Variants in PAK4 observed in about 807,000 individuals in gnomAD.
PAK4 encodes p21 (RAC1) activated kinase 4.
Under a neutral mutation model 53.5 loss-of-function variants are expected in PAK4, and 49 were observed. The observed-to-expected ratio is 0.92, with a 90% CI of 0.73 to 1.16. The LOEUF (loss-of-function observed/expected upper bound fraction) is 1.16, where lower values mean the gene tolerates loss of function less well. PAK4 is among the 50% of genes most tolerant of loss of function. The pLI is 0.00. For synonymous variants in PAK4, 376 were observed against 375.6 expected (o/e 1.00, Z -0.01); for missense variants, 824 against 850.7 (o/e 0.97, Z 0.39).
At chr19:39,128,290 C>T (rs1287436752) in intron 1 of PAK4, among the ~76,000 whole-genome samples, 1 of 152,196 alleles carries the variant, frequency 6.6e-6, no homozygotes, top group Non-Finnish European at 1.5e-5. Context: ...TGCTGCCACC[C>T]CACCACTGCC....
chr19:39,173,185 A>T lies in PAK4; in HGVS notation c.472A>T (p.Lys158Ter), dbSNP rs757888972. The change falls in exon 3 of 9, where the codon AAG (lysine) becomes TAG (stop). Residue 158 changes from lysine (K) to a stop codon, truncating the protein, a stop_gained. Coordinates refer to ENST00000358301, the Ensembl canonical transcript of PAK4. LOFTEE classifies it high-confidence loss of function. This position sits in a 1 kb window ranked among gnomAD's most constrained non-coding sequence, Gnocchi z 6.9. ...TGACAGGCGACGGGCGGGGCCAGAG[A>T]AGAGGCCCAAGTCTTCCAGGGAGGG... 2 of 1,543,522 alleles carry T rather than the reference A, an allele frequency of 1.3e-6. No homozygotes were observed. The highest frequency in any genetic ancestry group is 2.7e-5 in the African/African-American group (2 of 73,042).
Position 39,178,412 on chromosome 19 carries a change from C to G in PAK4, c.1621-12C>G, listed in dbSNP as rs2074653465. 1.9e-6 allele frequency: 3 copies of G among 1,574,618 alleles called. No individual in the cohort carries two copies. Among genetic ancestry groups the G allele is most frequent in the Non-Finnish European group, 1.7e-6 (2 of 1,160,960 alleles). ...GAGCCTCGCCCCCTGACCCTCCCCTCCTTCTCGACAGGTGTCGCCATCCCT... is the reference window on the plus strand; with the variant it reads ...GAGCCTCGCCCCCTGACCCTCCCCTGCTTCTCGACAGGTGTCGCCATCCCT... On this transcript the variant is annotated splice_polypyrimidine_tract_variant and intron_variant, in intron 8 of 8. Transcript: ENST00000358301. This position sits in a 1 kb window ranked among gnomAD's most constrained non-coding sequence, Gnocchi z 4.4.
chr19:39,168,118 T>G (rs1476633578), intron 1 of PAK4, 112 bp from the exon 2 acceptor site: 1 of 152,136 alleles, frequency 6.6e-6, no homozygotes, highest in African/African-American at 2.4e-5. Context: ...TCCCATGAGG[T>G]CAAAGGCTGT....
chr19:39,155,491 C>T (rs979156214), intron 1 of PAK4, among the ~76,000 whole-genome samples: 9 of 151,932 alleles, frequency 5.9e-5, no homozygotes, highest in South Asian at 2.1e-4. Context: ...CAAGTGGGGC[C>T]GGAGGGTGAG....
chr19:39,174,967 G>A, exon 5 of PAK4: 1 of 1,613,914 alleles, frequency 6.2e-7, no homozygotes, highest in South Asian at 1.1e-5. Context: ...CGAGAATGTG[G>A]TGGAGATGTA....
rs535503075 is a variant in PAK4, at chr19:39,165,796, G to A, written c.-22-3736G>A. Among the ~76,000 whole-genome samples, 16 of 152,282 alleles carry A rather than the reference G, an allele frequency of 1.1e-4. No homozygotes were observed. In the East Asian group the frequency reaches 3.1e-3, roughly 29 times the overall value. Reference sequence around the variant, plus strand: ...ATGAGGATGCTTGTGAGGATGGAACGGGATTAGACGCACAGCAGGGCCGGA... The same window carrying A: ...ATGAGGATGCTTGTGAGGATGGAACAGGATTAGACGCACAGCAGGGCCGGA... On this transcript the variant is annotated intron_variant, in intron 1 of 8. Transcript: ENST00000358301.
chr19:39,154,367 CTT>C (rs1234283795), intron 1 of PAK4, among the ~76,000 whole-genome samples: 2 of 152,120 alleles, frequency 1.3e-5, no homozygotes, highest in African/African-American at 2.4e-5. Flanking sequence ...TGCCATTTCT[CTT>C]GTTTTTTTAA....
intron 1 of PAK4, among the ~76,000 whole-genome samples, chr19:39,152,705 G>T (rs372249237): frequency 2.0e-5 from 3 of 152,174 alleles, no homozygotes; most frequent in African/African-American, 4.8e-5. Context: ...TTACGTTTGG[G>T]GGGGTGGAAG....
chr19:39,181,619 AC>A (rs1347431902), downstream of PAK4: 2 of 152,120 alleles, frequency 1.3e-5, no homozygotes, highest in African/African-American at 4.8e-5. Context: ...CTCCTGGCAG[AC>A]CCTTCCTGAC....
intron 1 of PAK4, among the ~76,000 whole-genome samples, chr19:39,131,275 G>A (rs2073705072): frequency 6.6e-6 from 1 of 152,104 alleles, no homozygotes; most frequent in Non-Finnish European, 1.5e-5. Flanking sequence ...CTCCTTTGTT[G>A]ACAGAAGTTC....
At chr19:39,155,758 G>A (rs1489891813) in intron 1 of PAK4, among the ~76,000 whole-genome samples, 1 of 152,080 alleles carries the variant, frequency 6.6e-6, no homozygotes, top group Admixed American at 6.5e-5. Flanking sequence ...GAGTCCCAGC[G>A]CCTGACCTCC....
chr19:39,177,107 T>TC (rs1188135299), intron 7 of PAK4, among the ~76,000 whole-genome samples: 4 of 152,162 alleles, frequency 2.6e-5, no homozygotes, highest in Non-Finnish European at 5.9e-5. Context: ...CCTCAGGTGA[T>TC]CTATCCGCCT....
chr19:39,165,189 G>A (rs1184558054), intron 1 of PAK4, among the ~76,000 whole-genome samples: 1 of 54,736 alleles, frequency 1.8e-5, no homozygotes. Flanking sequence ...GGATGATGAT[G>A]ATGATGATAA....
chr19:39,152,012 AC>A (rs2074100710), intron 1 of PAK4: 1 of 151,734 alleles, frequency 6.6e-6, no homozygotes, highest in Non-Finnish European at 1.5e-5. Context: ...CAAGGAATCC[AC>A]CCAAAGTGCT....
At chr19:39,139,110 C>T (rs560203426) in intron 1 of PAK4, among the ~76,000 whole-genome samples, 7 of 152,282 alleles carry the variant, frequency 4.6e-5, no homozygotes, top group East Asian at 1.9e-4. Flanking sequence ...TGGCAGGGCC[C>T]GTCCCTCCCC....
At chr19:39,170,282 T>A (rs1181132205) in intron 2 of PAK4, among the ~76,000 whole-genome samples, 1 of 151,732 alleles carries the variant, frequency 6.6e-6, no homozygotes, top group African/African-American at 2.4e-5. Flanking sequence ...GAGGAGAAAT[T>A]CCAGCAGATG....
In PAK4 at chr19:39,175,475, T is replaced by C. The variant is rs1193372589; in HGVS notation, c.1359+37T>C. On this transcript the variant is annotated intron_variant, in intron 6 of 8. Transcript: ENST00000358301. The surrounding 1 kb of genome is among the most constrained non-coding windows in gnomAD (Gnocchi z 4.7). ...GGCGGCGGGGTACGGGGGCGGCAGGTTTCCGGCTGCGGGGCTTCCCTGCCT... is the reference window on the plus strand; with the variant it reads ...GGCGGCGGGGTACGGGGGCGGCAGGCTTCCGGCTGCGGGGCTTCCCTGCCT... 6.4e-6 allele frequency: 10 copies of C among 1,571,762 alleles called. No individual in the cohort carries two copies. Among genetic ancestry groups the C allele is most frequent in the Non-Finnish European group, 7.8e-6 (9 of 1,156,530 alleles).
chr19:39,178,479 A>G lies in PAK4; in HGVS notation c.1676A>G (p.Gln559Arg), dbSNP rs769395290. Residue 559 changes from glutamine (Q) to arginine (R), a missense_variant, in exon 9 of 9, where the codon CAG (glutamine) becomes CGG (arginine). Gln to Arg is a conservative substitution (Grantham distance 43). Coordinates refer to ENST00000358301, the Ensembl canonical transcript of PAK4. The surrounding 1 kb of genome is among the most constrained non-coding windows in gnomAD (Gnocchi z 4.4). ...CGCCTGCTGGTGCGAGACCCTGCCC[A>G]GCGGGCCACGGCAGCCGAGCTGCTG... 6.2e-7 allele frequency: 1 copy of G among 1,610,466 alleles called. No individual in the cohort carries two copies. Among genetic ancestry groups the G allele is most frequent in the Non-Finnish European group, 8.5e-7 (1 of 1,178,934 alleles).
At chr19:39,138,856 G>A (rs1381790778) in intron 1 of PAK4, among the ~76,000 whole-genome samples, 5 of 152,334 alleles carry the variant, frequency 3.3e-5, no homozygotes, top group African/African-American at 1.2e-4. Context: ...CTCAGCTGGG[G>A]TCTCCCCACA....
Sources: allele counts gnomAD v4.1 joint callset (sites outside exome capture counted in the v4.1 genomes callset), GRCh38; gene constraint gnomAD v4.1.1; non-coding constraint Gnocchi (gnomAD v3.1); transcripts MANE v1.5; gene names NCBI Gene and HGNC (gene_info 2026-07-23, HGNC 2026-07-21).